ZAN: variants seen among roughly 807,000 people sequenced by gnomAD.
ZAN encodes the protein zonadhesin.
In ZAN, 260 loss-of-function variants were observed where a neutral mutation model predicts 286.2. That is an observed-to-expected ratio of 0.91 (90% CI 0.82 to 1.01). The LOEUF (loss-of-function observed/expected upper bound fraction) is 1.01. Among genes scored for constraint, ZAN ranks in the 50% least tolerant of loss-of-function variants. ZAN has a pLI of 0.00. For synonymous variants in ZAN, 1,368 were observed against 1,417.5 expected (o/e 0.97, Z 0.79); for missense variants, 3,410 against 3,639.2 (o/e 0.94, Z 1.62).
intron 44 of ZAN, among the ~76,000 whole-genome samples, chr7:100,794,935 G>A (rs964488160): frequency 1.3e-5 from 2 of 150,704 alleles, no homozygotes; most frequent in Non-Finnish European, 3.0e-5. Flanking sequence ...GAGGAGGGGA[G>A]AAGGAGGGAA....
Position 100,760,389 on chromosome 7 carries a change from A to G in ZAN, c.3697-2A>G, listed in dbSNP as rs1043808310. 1 of 1,613,304 alleles carries G rather than the reference A, an allele frequency of 6.2e-7. No individual in the cohort carries two copies. The highest frequency in any genetic ancestry group is 1.7e-5 in the Admixed American group (1 of 59,976). On this transcript the variant is annotated splice_acceptor_variant, in intron 18 of 47. Coordinates refer to ENST00000613979, the MANE Select transcript of ZAN (RefSeq NM_003386.3). LOFTEE classifies it high-confidence loss of function. ...GTCTCTTGCCTCTGCCCTGCCTTCC[A>G]GGTTGGGGGTCAGCAAGTTACTCTC...
intron 8 of ZAN, among the ~76,000 whole-genome samples, chr7:100,747,166 C>T (rs1808281829): frequency 6.6e-6 from 1 of 151,750 alleles, no homozygotes; most frequent in African/African-American, 2.4e-5. Flanking sequence ...GCTGGTGGAT[C>T]ACCTGAGGTC....
rs1809303489 is a variant in ZAN at position 100,758,359 on chromosome 7, C to T, written c.3451+16C>T. ...CACCCCTACGGTGAGAGCCCCTCCCCATGCTGTCCCTGCCTGCCAGCCAGT... is the reference window on the plus strand; with the variant it reads ...CACCCCTACGGTGAGAGCCCCTCCCTATGCTGTCCCTGCCTGCCAGCCAGT... On this transcript the variant is annotated intron_variant, in intron 16 of 47. Coordinates refer to ENST00000613979, the MANE Select transcript of ZAN (RefSeq NM_003386.3). 1 of 1,608,826 alleles carries T rather than the reference C, an allele frequency of 6.2e-7. No homozygotes were observed. Among genetic ancestry groups the T allele is most frequent in the African/African-American group, 1.3e-5 (1 of 74,858 alleles).
chr7:100,789,360 G>A lies in ZAN; in HGVS notation c.7357+13G>A. On this transcript the variant is annotated intron_variant, in intron 39 of 47. Coordinates refer to ENST00000613979, the MANE Select transcript of ZAN (RefSeq NM_003386.3). ...AGGAAAAATGCAGGTAATGGAGAGA[G>A]GGGAAAGAAGAGCAAAAGGGCCATT... 6 of 1,610,328 alleles carry A rather than the reference G, an allele frequency of 3.7e-6. No homozygotes were observed. Among genetic ancestry groups the A allele is most frequent in the Non-Finnish European group, 4.2e-6 (5 of 1,177,914 alleles).
At position 100,765,561 on chromosome 7, in the gene ZAN, G is replaced by A. The variant is rs769678740; in HGVS notation, c.4470+7G>A. 33 of 1,591,998 alleles carry A rather than the reference G, an allele frequency of 2.1e-5. No homozygotes were observed. Among genetic ancestry groups the A allele is most frequent in the Admixed American group, 1.8e-4 (10 of 56,566 alleles). The stretch of plus-strand genomic sequence containing the variant: ...TGCAGGCAGCTACTTCAAGGTGAGC[G>A]GCTGCGTGGACCTCTCAGCCCTGCA... On this transcript the variant is annotated splice_region_variant and intron_variant, in intron 23 of 47. Transcript: ENST00000613979.
At position 100,791,022 on chromosome 7, in the gene ZAN, A is replaced by C. The variant is rs376020540; in HGVS notation, c.7438A>C (p.Met2480Leu). The part of the protein sequence containing the change: ...NYDKNRKNDM[M>L]LPSGALTQNL... ...CGACAAGAACCGCAAGAATGACATG[A>C]TGCTGCCCAGTGGCGCCCTGACCCA... Residue 2480 changes from methionine (M) to leucine (L), a missense_variant, in exon 40 of 48, where the codon ATG becomes CTG. This residue lies in a region of ZAN where 1,289 missense variants were observed against 1,314.3 expected (regional missense o/e 0.98). Coordinates refer to ENST00000613979, the MANE Select transcript of ZAN (RefSeq NM_003386.3). The C allele has an allele frequency of 5.6e-6, 9 of 1,612,800 alleles. No homozygotes were observed. The highest frequency in any genetic ancestry group is 7.6e-6 in the Non-Finnish European group (9 of 1,179,564).
At chr7:100,764,245 C>T in intron 22 of ZAN, 49 bp downstream of exon 22, 2 of 1,457,722 alleles carry the variant, frequency 1.4e-6, no homozygotes, top group Non-Finnish European at 1.8e-6. Context: ...TGGCTCACAC[C>T]TATAATCCCA....
intron 24 of ZAN, 31 bp downstream of exon 24, chr7:100,766,697 G>A: frequency 6.4e-7 from 1 of 1,552,462 alleles, no homozygotes; most frequent in Non-Finnish European, 8.7e-7. Flanking sequence ...GTGAGCTGGG[G>A]GCTGCCCAGG....
intron 11 of ZAN, among the ~76,000 whole-genome samples, chr7:100,749,212 T>G (rs1808437828): frequency 6.6e-6 from 1 of 151,654 alleles, no homozygotes; most frequent in African/African-American, 2.4e-5. Flanking sequence ...AGTGGTGGCG[T>G]GCACCTGTAG....
In ZAN at chr7:100,765,415, A is replaced by G; in HGVS notation, c.4331A>G (p.His1444Arg). The stretch of plus-strand genomic sequence containing the variant: ...GCGAAGCCATGCCCTGACACCTGCC[A>G]TTCAGGATTCTCCGGCATGTTCTGC... The part of the protein sequence containing the change: ...LCAKPCPDTC[H>R]SGFSGMFCSD... The change falls in exon 23 of 48, where the codon CAT becomes CGT. Residue 1444 changes from histidine to arginine, a missense_variant. His to Arg is a conservative substitution (Grantham distance 29). Transcript: ENST00000613979. 6.2e-7 allele frequency: 1 copy of G among 1,613,924 alleles called. No individual in the cohort carries two copies. Among genetic ancestry groups the G allele is most frequent in the Non-Finnish European group, 8.5e-7 (1 of 1,179,868 alleles).
At chr7:100,768,058 C>T (rs1463190701) in intron 26 of ZAN, 47 bp downstream of exon 26, 16 of 1,570,536 alleles carry the variant, frequency 1.0e-5, no homozygotes, top group East Asian at 2.2e-5. Context: ...AATGAGTAGG[C>T]GTGTGACCTG....
At chr7:100,793,733 C>A in intron 42 of ZAN, 87 bp from the exon 43 acceptor site, 1 of 1,423,892 alleles carries the variant, frequency 7.0e-7, no homozygotes, top group South Asian at 1.4e-5. Flanking sequence ...CCACTGTGCC[C>A]AGCCTACTCT....
chr7:100,796,093 A>C (rs1812346167), intron 45 of ZAN, among the ~76,000 whole-genome samples: 1 of 151,876 alleles, frequency 6.6e-6, no homozygotes, highest in African/African-American at 2.4e-5. Flanking sequence ...ACAAAAAACA[A>C]AAACCAAAAA....
intron 25 of ZAN, 99 bp from the exon 26 acceptor site, chr7:100,767,732 C>G: frequency 2.9e-6 from 4 of 1,359,468 alleles, no homozygotes; most frequent in Non-Finnish European, 4.0e-6. Flanking sequence ...TCCGCCTCGG[C>G]CTCCCAAAGT....
chr7:100,758,800 A>G (rs1282085821), intron 17 of ZAN, 150 bp downstream of exon 17: 12 of 1,328,146 alleles, frequency 9.0e-6, no homozygotes, highest in Non-Finnish European at 1.1e-5. Context: ...TGAGGGTTGA[A>G]GGCCAGGCAC....
rs370180413 is a variant in ZAN, at chr7:100,748,473, G to A, written c.1249+3G>A. The A allele has an allele frequency of 1.2e-6, 2 of 1,607,490 alleles. No individual in the cohort carries two copies. Among genetic ancestry groups the A allele is most frequent in the Non-Finnish European group, 8.5e-7 (1 of 1,176,906 alleles). On this transcript the variant is annotated splice_donor_region_variant and intron_variant, in intron 11 of 47. Transcript: ENST00000613979. ...TGCGGGAGGTTTCCCTAATGCAGGT[G>A]AGGAGATTGAGGAGCGCTCACGCCA... is the stretch of plus-strand genomic sequence containing the variant.
Position 100,763,988 on chromosome 7 carries a change from C to A in ZAN, c.4098-39C>A, listed in dbSNP as rs1809771479. 1 of 1,613,760 alleles carries A rather than the reference C, an allele frequency of 6.2e-7. No homozygotes were observed. The highest frequency in any genetic ancestry group is 1.3e-5 in the African/African-American group (1 of 75,054). On this transcript the variant is annotated intron_variant, in intron 21 of 47. Transcript: ENST00000613979. The surrounding 1 kb of genome is among the most constrained non-coding windows in gnomAD (Gnocchi z 4.6). ...CTGGGCTCCTCCAAGGCTCTACCCC[C>A]TTCCACTGCATTCCCCCTGACTTGG...
At chr7:100,792,644 A>G in intron 42 of ZAN, 165 bp downstream of exon 42, 2 of 1,413,224 alleles carry the variant, frequency 1.4e-6, no homozygotes, top group Non-Finnish European at 1.8e-6. Context: ...TTTCTGTCTT[A>G]GTCCCATCAT....
rs1271582985 is a variant in ZAN at position 100,775,746 on chromosome 7, C to T, written c.6105C>T (p.Ser2035=). ...GTGTCAAGTCCAGCAGCATCTACAG[C>T]ATTGTTAACATCAAGATCGGGGTGC... The part of the protein sequence containing the change: ...GVSVKSSSIY[S]IVNIKIGVQV... The change falls in exon 33 of 48, where the codon AGC becomes AGT. Residue 2035 remains serine (S), a synonymous_variant. Coordinates refer to ENST00000613979, the MANE Select transcript of ZAN (RefSeq NM_003386.3). 1.2e-6 allele frequency: 2 copies of T among 1,613,952 alleles called. No homozygotes were observed. The highest frequency in any genetic ancestry group is 1.7e-5 in the Admixed American group (1 of 60,002).
Sources: allele counts gnomAD v4.1 joint callset (sites outside exome capture counted in the v4.1 genomes callset), GRCh38; gene constraint gnomAD v4.1.1; regional missense constraint gnomAD v4.1.1; non-coding constraint Gnocchi (gnomAD v3.1); transcripts MANE v1.5; gene names NCBI Gene and HGNC (gene_info 2026-07-23, HGNC 2026-07-21).